FLT1: variants seen among roughly 807,000 people sequenced by gnomAD.
The protein encoded by FLT1 is vascular endothelial growth factor receptor 1.
Under a neutral mutation model 156.3 loss-of-function variants are expected in FLT1, and 49 were observed. The observed-to-expected ratio is 0.31, with a 90% CI of 0.25 to 0.40. The LOEUF is 0.40. Among genes scored for constraint, FLT1 ranks in the 10% least tolerant of loss-of-function variants. The pLI, the probability that FLT1 is intolerant of heterozygous loss-of-function variation, is 1.00. For missense variants in FLT1, 1,322 were observed against 1,637.2 expected, an observed-to-expected ratio of 0.81 and a Z score of 3.32; for synonymous variants, 594 against 583.8, an observed-to-expected ratio of 1.02 and a Z score of -0.25.
At chr13:28,419,082 T>C (rs1876832586) in intron 10 of FLT1, among the ~76,000 whole-genome samples, 1 of 152,178 alleles carries the variant, frequency 6.6e-6, no homozygotes, top group Admixed American at 6.5e-5. Flanking sequence ...AAGTAGACCA[T>C]TGCATTCAAG....
At position 28,427,940 on chromosome 13, in the gene FLT1, T is replaced by G. The variant is rs1238432208; in HGVS notation, c.1107-19A>C. ...TTTTAACCTGTGGTTAAAAACATGA[T>G]CAGTAAGTCATTTCACACGGCCTCT... On this transcript the variant is annotated intron_variant, in intron 8 of 29. Transcript: ENST00000282397. The G allele has an allele frequency of 6.2e-7, 1 of 1,610,836 alleles. No individual in the cohort carries two copies. Among genetic ancestry groups the G allele is most frequent in the Non-Finnish European group, 8.5e-7 (1 of 1,177,166 alleles).
intron 14 of FLT1, among the ~76,000 whole-genome samples, chr13:28,358,081 G>A (rs1007964825): frequency 6.6e-6 from 1 of 151,990 alleles, no homozygotes; most frequent in African/African-American, 2.4e-5. Flanking sequence ...CTGTGTGCTC[G>A]GCACTATGTG....
At chr13:28,368,616 A>C in intron 14 of FLT1, 1 of 1,404,382 alleles carries the variant, frequency 7.1e-7, no homozygotes, top group Non-Finnish European at 9.9e-7. Flanking sequence ...GATGATGATG[A>C]CAATGGTGAT....
chr13:28,403,509 C>A (rs1421133086), intron 11 of FLT1, among the ~76,000 whole-genome samples: 1 of 152,132 alleles, frequency 6.6e-6, no homozygotes, highest in Non-Finnish European at 1.5e-5. Flanking sequence ...TTTTTCATTT[C>A]ATTTCCTATT....
chr13:28,400,075 G>A (rs1038459723), intron 11 of FLT1, among the ~76,000 whole-genome samples: 3 of 152,160 alleles, frequency 2.0e-5, no homozygotes, highest in African/African-American at 7.2e-5. Context: ...CTGCCTCCGC[G>A]CCTATGCTCC....
chr13:28,343,466 A>G (rs1269976916), intron 16 of FLT1, among the ~76,000 whole-genome samples: 1 of 139,124 alleles, frequency 7.2e-6, no homozygotes, highest in Non-Finnish European at 1.6e-5. Context: ...TGCCCAGCTA[A>G]TTTTTTGTAT....
intron 19 of FLT1, 114 bp downstream of exon 19, chr13:28,329,501 C>A (rs1048703552): frequency 5.3e-6 from 4 of 761,054 alleles, no homozygotes; most frequent in South Asian, 2.9e-5. Flanking sequence ...TTAGGGAGGC[C>A]GTTTTCCTGG....
intron 23 of FLT1, 151 bp downstream of exon 23, chr13:28,321,312 C>T (rs1282643819): frequency 1.0e-6 from 1 of 963,480 alleles, no homozygotes; most frequent in African/African-American, 1.6e-5. Context: ...CAAGGGCTCT[C>T]TGGGATGCCG....
At chr13:28,348,774 T>G (rs189518011) in intron 15 of FLT1, among the ~76,000 whole-genome samples, 21 of 152,280 alleles carry the variant, frequency 1.4e-4, no homozygotes, top group Admixed American at 1.3e-3. Flanking sequence ...CTGGGCATGG[T>G]GGCAGGCGCC....
chr13:28,427,025 C>T, intron 10 of FLT1, 134 bp downstream of exon 10: 1 of 827,856 alleles, frequency 1.2e-6, no homozygotes, highest in Middle Eastern at 3.3e-4. Flanking sequence ...CACCTTTTTC[C>T]AAGGCAGGGA....
chr13:28,410,660 G>A (rs1876109199), intron 10 of FLT1, among the ~76,000 whole-genome samples: 1 of 152,196 alleles, frequency 6.6e-6, no homozygotes. Context: ...TTGGCTGCTT[G>A]AAGGGAAACA....
chr13:28,475,621 T>G (rs1291254055), intron 1 of FLT1, among the ~76,000 whole-genome samples: 1 of 152,202 alleles, frequency 6.6e-6, no homozygotes, highest in African/African-American at 2.4e-5. Context: ...GGAGAAGGGT[T>G]AAGAATGCAA....
Position 28,494,808 on chromosome 13 carries a change from G to A in FLT1, c.36C>T (p.Cys12=), listed in dbSNP as rs1881671283. ...VSYWDTGVLL[C]ALLSCLLLTG... is the part of the protein sequence containing the mutation. ...TGAGAAGCAGACAGCTGAGCAGCGC[G>A]CACAGCAGGACCCCGGTGTCCCAGT... The change falls in exon 1 of 30, where the codon TGC becomes TGT. Residue 12 remains cysteine (C), a synonymous_variant. Transcript: ENST00000282397. 1.3e-6 allele frequency: 2 copies of A among 1,574,804 alleles called. No homozygotes were observed. The highest frequency in any genetic ancestry group is 1.7e-6 in the Non-Finnish European group (2 of 1,165,554).
chr13:28,354,387 A>G lies in FLT1; in HGVS notation c.2248+3167T>C, dbSNP rs1014867199. Among the ~76,000 whole-genome samples the G allele has an allele frequency of 2.0e-5, 3 of 152,164 alleles. No homozygotes were observed. In the East Asian group the frequency reaches 5.8e-4, roughly 29 times the overall value. On this transcript the variant is annotated intron_variant, in intron 15 of 29. Transcript: ENST00000282397. ...AAACCTGCCTCTTGGAAATTTCACT[A>G]CCATCTCCCTTCCTTGGTTCTAGTT...
chr13:28,324,072 A>G (rs1871582850), intron 20 of FLT1, among the ~76,000 whole-genome samples: 1 of 152,150 alleles, frequency 6.6e-6, no homozygotes, highest in African/African-American at 2.4e-5. Flanking sequence ...TTATACTATT[A>G]TTTTATGATT....
intron 3 of FLT1, among the ~76,000 whole-genome samples, chr13:28,466,027 C>T (rs1879830414): frequency 6.6e-6 from 1 of 152,064 alleles, no homozygotes; most frequent in Admixed American, 6.5e-5. Flanking sequence ...GCCTGAAGTG[C>T]CTACTAATAT....
At chr13:28,418,005 CT>C (rs140591750) in intron 10 of FLT1, among the ~76,000 whole-genome samples, 3,280 of 152,238 alleles carry the variant, frequency 0.022, 128 homozygotes, top group African/African-American at 0.074. Context: ...TGAGTGCTTG[CT>C]GAATCCTAAT....
chr13:28,484,098 C>T (rs1317534975), intron 1 of FLT1, among the ~76,000 whole-genome samples: 1 of 152,214 alleles, frequency 6.6e-6, no homozygotes, highest in African/African-American at 2.4e-5. Context: ...GGAGTTAACA[C>T]AGAAAGTGCC....
intron 11 of FLT1, among the ~76,000 whole-genome samples, chr13:28,398,260 T>C (rs1353683244): frequency 6.6e-6 from 1 of 152,222 alleles, no homozygotes; most frequent in Non-Finnish European, 1.5e-5. Flanking sequence ...GCAGAGGCTG[T>C]GCAAATGATT....
Sources: gnomAD v4.1 joint callset for allele counts (sites outside exome capture counted in the v4.1 genomes callset) on GRCh38, gnomAD v4.1.1 for gene constraint, MANE v1.5 for transcripts, NCBI Gene and HGNC (gene_info 2026-07-23, HGNC 2026-07-21) for gene names.